The following TENM1 variants were observed in gnomAD, a reference collection of about 807,000 sequenced individuals.
TENM1 encodes the protein teneurin-1.
TENM1 carries 35 observed loss-of-function variants against 174.8 expected under a neutral mutation model. The ratio of observed to expected loss-of-function variants is 0.20; its 90% CI spans 0.15 to 0.27. The LOEUF (loss-of-function observed/expected upper bound fraction) is 0.27. TENM1 is among the 10% of genes least tolerant of loss of function. TENM1 has a pLI of 1.00. For missense variants in TENM1, 1,633 were observed against 2,130.1 expected, an observed-to-expected ratio of 0.77 and a Z score of 4.59; for synonymous variants, 781 against 798.7, an observed-to-expected ratio of 0.98 and a Z score of 0.37.
At chrX:124,565,612 C>T (rs142765142) in intron 11 of TENM1, 52 bp from the exon 15 acceptor site, 25,419 of 890,634 alleles carry the variant, frequency 0.029, 311 homozygotes, top group Admixed American at 0.038. Context: ...AAACCAGCAT[C>T]CATTCTTCCA....
chrX:124,547,616 T>C (rs2048461536), intron 14 of TENM1, among the ~76,000 whole-genome samples: 1 of 111,830 alleles, frequency 8.9e-6, no homozygotes, highest in African/African-American at 3.2e-5. Flanking sequence ...TTTCGAGCAA[T>C]GATTTTCAAA....
At chrX:124,613,767 G>A (rs1251159416) in intron 11 of TENM1, among the ~76,000 whole-genome samples, 6 of 111,423 alleles carry the variant, frequency 5.4e-5, no homozygotes, top group African/African-American at 1.3e-4. Flanking sequence ...TGACCCTAGC[G>A]TTGCCCTTAA....
At chrX:125,136,863 T>G in the TENM1 span, among the ~76,000 whole-genome samples, 2 of 111,910 alleles carry the variant, frequency 1.8e-5, no homozygotes, top group African/African-American at 6.5e-5. Flanking sequence ...TATATGCAAA[T>G]GTATAAGGGA....
At chrX:125,005,968 G>T in the TENM1 span, among the ~76,000 whole-genome samples, 1 of 111,709 alleles carries the variant, frequency 9.0e-6, no homozygotes, top group Admixed American at 9.5e-5. Flanking sequence ...CTAGGCTGCA[G>T]GAGTTTTCTC....
intron 27 of TENM1, among the ~76,000 whole-genome samples, chrX:124,404,828 T>C (rs922439916): frequency 4.5e-5 from 5 of 111,464 alleles, no homozygotes; most frequent in Admixed American, 9.6e-5. Flanking sequence ...GAATGCTCAT[T>C]TAAGGATACT....
chrX:124,667,781 T>C (rs931735973), intron 6 of TENM1, among the ~76,000 whole-genome samples: 1 of 110,963 alleles, frequency 9.0e-6, no homozygotes. Flanking sequence ...TTTAGCATAC[T>C]AAATGTCTAT....
chrX:124,967,728 T>C (rs1358387606), upstream of TENM1, among the ~76,000 whole-genome samples: 3 of 111,813 alleles, frequency 2.7e-5, no homozygotes, highest in Non-Finnish European at 5.6e-5. Context: ...TAGGTCGCAT[T>C]GCAATCTCCA....
intron 11 of TENM1, among the ~76,000 whole-genome samples, chrX:124,608,535 G>A (rs889594898): frequency 9.0e-6 from 1 of 111,592 alleles, no homozygotes; most frequent in African/African-American, 3.3e-5. Flanking sequence ...CAGTAAGCGC[G>A]CTGCTGTCAG....
At chrX:124,872,775 C>T (rs1472044567) in intron 3 of TENM1, among the ~76,000 whole-genome samples, 1 of 111,766 alleles carries the variant, frequency 8.9e-6, no homozygotes, top group Non-Finnish European at 1.9e-5. Flanking sequence ...CACTAGATAA[C>T]AATACTTCCA....
intron 28 of TENM1, among the ~76,000 whole-genome samples, chrX:124,387,998 C>T (rs1019182181): frequency 8.9e-6 from 1 of 112,273 alleles, no homozygotes; most frequent in Non-Finnish European, 1.9e-5. Flanking sequence ...AGAAATTTTC[C>T]TATGAATGGG....
intron 23 of TENM1, among the ~76,000 whole-genome samples, chrX:124,429,244 G>T (rs961964241): frequency 3.5e-4 from 39 of 111,709 alleles, no homozygotes; most frequent in Non-Finnish European, 2.8e-4. Context: ...CTCTTTGGCT[G>T]TGAAGGTCAA....
At chrX:124,893,486 G>A in intron 3 of TENM1, among the ~76,000 whole-genome samples, 1 of 112,444 alleles carries the variant, frequency 8.9e-6, no homozygotes, top group South Asian at 3.7e-4. Flanking sequence ...AATAATAACA[G>A]TGAACATTCA....
the TENM1 span, among the ~76,000 whole-genome samples, chrX:125,000,698 C>T: frequency 9.0e-6 from 1 of 111,608 alleles, no homozygotes; most frequent in East Asian, 2.8e-4. Flanking sequence ...TGACCACGTA[C>T]ATGTTGAACT....
intron 3 of TENM1, among the ~76,000 whole-genome samples, chrX:124,888,884 C>T (rs2057431014): frequency 8.9e-6 from 1 of 112,227 alleles, no homozygotes; most frequent in South Asian, 3.7e-4. Flanking sequence ...GAAACTAAGA[C>T]TTGGAGATCT....
chrX:124,989,559 A>G, the TENM1 span, among the ~76,000 whole-genome samples: 5 of 111,175 alleles, frequency 4.5e-5, no homozygotes, highest in African/African-American at 1.6e-4. Flanking sequence ...TGAAACACCC[A>G]AAAAATCTTG....
At chrX:124,849,217 T>G (rs1246692083) in intron 3 of TENM1, among the ~76,000 whole-genome samples, 1 of 111,343 alleles carries the variant, frequency 9.0e-6, no homozygotes, top group Non-Finnish European at 1.9e-5. Context: ...CTTTGAGTAT[T>G]GTGGCACAAA....
At chrX:124,933,800 A>C (rs1352542643) in intron 1 of TENM1, among the ~76,000 whole-genome samples, 1 of 111,752 alleles carries the variant, frequency 8.9e-6, no homozygotes, top group Non-Finnish European at 1.9e-5. Flanking sequence ...ATTTGGCCAC[A>C]CTTTATTTAC....
In TENM1 at chrX:124,406,457, G is replaced by A. The variant is rs138879662; in HGVS notation, c.5015C>T (p.Thr1672Met). Residue 1672 changes from threonine to methionine, a missense_variant, in exon 26 of 32, where the codon ACG (threonine) becomes ATG (methionine). Transcript: ENST00000422452. Reference sequence around the variant, plus strand: ...GCTGCTGACCTCTCCAGTGGGAAACGTTGCATTGGTCAGGTGTCCCTCGGG... The same window carrying A: ...GCTGCTGACCTCTCCAGTGGGAAACATTGCATTGGTCAGGTGTCCCTCGGG... 1.2e-4 allele frequency: 146 copies of A among 1,205,121 alleles called. 1 individual carries two copies. Among genetic ancestry groups the A allele is most frequent in the Non-Finnish European group, 1.2e-4 (111 of 892,451 alleles).
At chrX:124,878,521 G>C (rs138721835) in intron 3 of TENM1, among the ~76,000 whole-genome samples, 50 of 108,970 alleles carry the variant, frequency 4.6e-4, no homozygotes, top group African/African-American at 1.3e-3. Flanking sequence ...GTTCACATGA[G>C]ATCTGGTTAT....
Sources: gnomAD v4.1 joint callset for allele counts (sites outside exome capture counted in the v4.1 genomes callset) on GRCh38, gnomAD v4.1.1 for gene constraint, MANE v1.5 for transcripts, NCBI Gene and HGNC (gene_info 2026-07-23, HGNC 2026-07-21) for gene names.